Variants in PCDHGB1 observed in about 807,000 individuals in gnomAD.
The protein encoded by PCDHGB1 is protocadherin gamma subfamily B, 1.
In PCDHGB1, 34 loss-of-function variants were observed where a neutral mutation model predicts 56.6. The observed-to-expected ratio is 0.60, with a 90% CI of 0.46 to 0.80. PCDHGB1 has a LOEUF of 0.80. PCDHGB1 is among the 30% of genes least tolerant of loss of function. The pLI, the probability that PCDHGB1 is intolerant of heterozygous loss-of-function variation, is 0.00. For missense variants in PCDHGB1, 1,278 were observed against 1,204.6 expected (o/e 1.06, Z -0.90); for synonymous variants, 561 against 505.9 (o/e 1.11, Z -1.46).
intron 1 of PCDHGB1, chr5:141,428,419 CTCTGT>C (rs2097138377): frequency 4.4e-6 from 2 of 451,802 alleles, no homozygotes; most frequent in African/African-American, 2.0e-5. Context: ...TCACCCTGGT[CTCTGT>C]TCTAAGACTA....
chr5:141,423,488 ATTC>A, intron 1 of PCDHGB1: 1 of 1,613,954 alleles, frequency 6.2e-7, no homozygotes, highest in Non-Finnish European at 8.5e-7. Flanking sequence ...CTGCAAACCT[ATTC>A]CCACGAGGTC....
Position 141,476,698 on chromosome 5 carries a change from G to T in PCDHGB1, c.2410-18109G>T. The T allele has an allele frequency of 4.3e-6, 7 of 1,614,056 alleles. No homozygotes were observed. Among genetic ancestry groups the T allele is most frequent in the Non-Finnish European group, 5.9e-6 (7 of 1,179,986 alleles). ...CGCGGGAGGACAGCACCAAGTACGC[G>T]GAGCTGGTGTTGGAGCGCGCCCTGG... On this transcript the variant is annotated intron_variant, in intron 1 of 3. Coordinates refer to ENST00000523390, the MANE Select transcript of PCDHGB1 (RefSeq NM_018922.3). The surrounding 1 kb of genome is among the most constrained non-coding windows in gnomAD (Gnocchi z 7.6).
Position 141,375,419 on chromosome 5 carries a change from A to G in PCDHGB1, c.2409+22750A>G, listed in dbSNP as rs756318329. The G allele has an allele frequency of 1.9e-6, 3 of 1,613,982 alleles. No homozygotes were observed. The South Asian group carries it at 3.3e-5, about 18-fold the overall frequency. The stretch of plus-strand genomic sequence containing the variant: ...CATCTCTCTAAATGTGGCAGACACC[A>G]ACGACAACCCGCCCACCTTCCCCCA... On this transcript the variant is annotated intron_variant, in intron 1 of 3. Coordinates refer to ENST00000523390, the MANE Select transcript of PCDHGB1 (RefSeq NM_018922.3).
At chr5:141,414,904 A>G in intron 1 of PCDHGB1, 2 of 1,614,190 alleles carry the variant, frequency 1.2e-6, no homozygotes, top group Non-Finnish European at 1.7e-6. Context: ...AGACGGTTCC[A>G]CAGGCGTGGA....
intron 2 of PCDHGB1, among the ~76,000 whole-genome samples, chr5:141,496,054 G>A (rs180707408): frequency 6.6e-6 from 1 of 150,988 alleles, no homozygotes; most frequent in Admixed American, 6.6e-5. Context: ...TTTTGTGCTT[G>A]TGGGCAAGCC....
rs771088007 is a variant in PCDHGB1, at chr5:141,423,000, G to A, written c.2409+70331G>A. On this transcript the variant is annotated intron_variant, in intron 1 of 3. Transcript: ENST00000523390. ...CGGAACCTGGCTACCTGGTGACCAA[G>A]GTGGTTGCGGTGGACAAAGATTCAG... The A allele has an allele frequency of 9.3e-6, 15 of 1,614,116 alleles. No homozygotes were observed. The African/African-American group carries it at 1.9e-4, about 20-fold the overall frequency.
At chr5:141,498,958 A>T (rs1200201746) in intron 2 of PCDHGB1, among the ~76,000 whole-genome samples, 2 of 123,248 alleles carry the variant, frequency 1.6e-5, no homozygotes, top group Admixed American at 1.8e-4. Flanking sequence ...AAAGAGAGAG[A>T]GGGAGGGAGG....
chr5:141,431,726 G>C lies in PCDHGB1; in HGVS notation c.2410-63081G>C. On this transcript the variant is annotated intron_variant, in intron 1 of 3. Coordinates refer to ENST00000523390, the MANE Select transcript of PCDHGB1 (RefSeq NM_018922.3). The surrounding 1 kb of genome is among the most constrained non-coding windows in gnomAD (Gnocchi z 4.8). ...CTACCAGATGGAAGTGCAAGCAATG[G>C]ATAATGCAGGATATTCTGCGCGAGC... The C allele has an allele frequency of 6.2e-7, 1 of 1,614,204 alleles. No homozygotes were observed. Among genetic ancestry groups the C allele is most frequent in the Non-Finnish European group, 8.5e-7 (1 of 1,180,032 alleles).
intron 2 of PCDHGB1, among the ~76,000 whole-genome samples, chr5:141,496,097 A>C (rs1329818315): frequency 6.6e-6 from 1 of 151,148 alleles, no homozygotes; most frequent in Non-Finnish European, 1.5e-5. Context: ...CCACCCACCA[A>C]CACCCCGCTC....
At chr5:141,437,040 C>G (rs188070264) in intron 1 of PCDHGB1, among the ~76,000 whole-genome samples, 1 of 152,266 alleles carries the variant, frequency 6.6e-6, no homozygotes, top group African/African-American at 2.4e-5. Flanking sequence ...ATCACCGAAA[C>G]CAGAAGGCTG....
At chr5:141,356,994 A>G (rs1760422746) in intron 1 of PCDHGB1, 1 of 1,614,140 alleles carries the variant, frequency 6.2e-7, no homozygotes, top group Admixed American at 1.7e-5. Flanking sequence ...ACAGAGACTC[A>G]GGTCAGAATG....
At chr5:141,385,514 G>C (rs928847931) in intron 1 of PCDHGB1, 3 of 1,363,488 alleles carry the variant, frequency 2.2e-6, no homozygotes, top group Non-Finnish European at 2.8e-6. Context: ...TTTAGTGAAA[G>C]CCTATGGACA....
At chr5:141,450,727 T>G (rs1592137328) in intron 1 of PCDHGB1, among the ~76,000 whole-genome samples, 1 of 152,080 alleles carries the variant, frequency 6.6e-6, no homozygotes, top group Non-Finnish European at 1.5e-5. Flanking sequence ...CCTCAGGTGA[T>G]CCGCCCGCCT....
intron 1 of PCDHGB1, among the ~76,000 whole-genome samples, chr5:141,363,223 A>T (rs1253518167): frequency 6.6e-6 from 1 of 152,164 alleles, no homozygotes; most frequent in Non-Finnish European, 1.5e-5. Context: ...AAATCTTACA[A>T]CCTATGTTCA....
At chr5:141,414,026 C>A in intron 1 of PCDHGB1, 1 of 1,612,468 alleles carries the variant, frequency 6.2e-7, no homozygotes, top group Non-Finnish European at 8.5e-7. Flanking sequence ...GTGACATATT[C>A]ATTCCGAAAA....
intron 1 of PCDHGB1, chr5:141,409,801 G>A: frequency 1.2e-6 from 2 of 1,611,946 alleles, no homozygotes; most frequent in South Asian, 2.2e-5. Context: ...TCACGCTGCA[G>A]GCCCGCGACC....
At chr5:141,389,133 A>G (rs1239484034) in intron 1 of PCDHGB1, 18 of 1,613,928 alleles carry the variant, frequency 1.1e-5, no homozygotes, top group Admixed American at 5.0e-5. Flanking sequence ...TCCAGAGTAC[A>G]ATATAACCGT....
Position 141,476,790 on chromosome 5 carries a change from C to T in PCDHGB1, c.2410-18017C>T. ...TTGGACGGAGGGACCCCAGCTCTCT[C>T]CGCCAGCCTGCCTATTCACATCAAG... On this transcript the variant is annotated intron_variant, in intron 1 of 3. Coordinates refer to ENST00000523390, the MANE Select transcript of PCDHGB1 (RefSeq NM_018922.3). This position sits in a 1 kb window ranked among gnomAD's most constrained non-coding sequence, Gnocchi z 7.6. 1 of 1,613,606 alleles carries T rather than the reference C, an allele frequency of 6.2e-7. No homozygotes were observed. Among genetic ancestry groups the T allele is most frequent in the South Asian group, 1.1e-5 (1 of 91,084 alleles).
chr5:141,415,577 C>T (rs776744277), intron 1 of PCDHGB1: 3 of 1,613,744 alleles, frequency 1.9e-6, no homozygotes, highest in East Asian at 4.5e-5. Context: ...TTAGATGATT[C>T]GAAGTTTCCT....
Sources: gnomAD v4.1 joint callset for allele counts (sites outside exome capture counted in the v4.1 genomes callset) on GRCh38, gnomAD v4.1.1 for gene constraint, Gnocchi (gnomAD v3.1) non-coding constraint, MANE v1.5 for transcripts, NCBI Gene and HGNC (gene_info 2026-07-23, HGNC 2026-07-21) for gene names.